The following RPS6KA2 variants were observed in gnomAD, a reference collection of about 807,000 sequenced individuals.
RPS6KA2 encodes ribosomal protein S6 kinase alpha-2.
A neutral mutation model predicts 91.8 loss-of-function variants in RPS6KA2; 42 were observed. That is an observed-to-expected ratio of 0.46 (90% CI 0.36 to 0.59). The LOEUF (loss-of-function observed/expected upper bound fraction) is 0.59, where lower values mean the gene tolerates loss of function less well. Ranked by LOEUF, RPS6KA2 falls within the 20% of genes least tolerant of loss-of-function variation. RPS6KA2 has a pLI of 0.00. For missense variants in RPS6KA2, 798 were observed against 978.5 expected, an observed-to-expected ratio of 0.82 and a Z score of 2.46; for synonymous variants, 414 against 393.6, an observed-to-expected ratio of 1.05 and a Z score of -0.61.
Position 166,557,076 on chromosome 6 carries a change from C to T in RPS6KA2, c.100-18292G>A, listed in dbSNP as rs952417692. On this transcript the variant is annotated intron_variant, in intron 1 of 20. Transcript: ENST00000265678. This position sits in a 1 kb window ranked among gnomAD's most constrained non-coding sequence, Gnocchi z 4.8. Reference sequence around the variant, plus strand: ...GGGGCTGACTCATCACATCCCGCCTCGCCAAACACGTTTTCTCTTCCTGTT... The same window carrying T: ...GGGGCTGACTCATCACATCCCGCCTTGCCAAACACGTTTTCTCTTCCTGTT... Among the ~76,000 whole-genome samples, 6 of 152,212 alleles carry T rather than the reference C, an allele frequency of 3.9e-5. No individual in the cohort carries two copies. Among genetic ancestry groups the T allele is most frequent in the Middle Eastern group, 3.2e-3 (1 of 316 alleles).
chr6:166,671,543 T>G (rs1788473132), intron 2 of RPS6KA2, among the ~76,000 whole-genome samples: 1 of 152,064 alleles, frequency 6.6e-6, no homozygotes, highest in Admixed American at 6.6e-5. Context: ...AGACACTCAG[T>G]TTCAACCACA....
intron 2 of RPS6KA2, among the ~76,000 whole-genome samples, chr6:166,817,352 G>A (rs1232330236): frequency 1.3e-5 from 2 of 151,932 alleles, no homozygotes; most frequent in Admixed American, 1.3e-4. Flanking sequence ...AAGGTTAGAT[G>A]GGGAACACAG....
intron 11 of RPS6KA2, among the ~76,000 whole-genome samples, chr6:166,467,627 A>T (rs891706427): frequency 1.3e-5 from 2 of 152,038 alleles, no homozygotes; most frequent in African/African-American, 4.8e-5. Flanking sequence ...CTTGGGGGGA[A>T]CCTGTTCCAT....
At chr6:166,683,275 T>C (rs1788893208) in intron 2 of RPS6KA2, among the ~76,000 whole-genome samples, 1 of 152,248 alleles carries the variant, frequency 6.6e-6, no homozygotes, top group African/African-American at 2.4e-5. Flanking sequence ...GCACAAAGTT[T>C]TAACTTTATC....
chr6:166,659,686 C>G (rs1251354008), intron 2 of RPS6KA2, among the ~76,000 whole-genome samples: 1 of 152,200 alleles, frequency 6.6e-6, no homozygotes. Flanking sequence ...ATTTTTAGTG[C>G]TGCCACTGGT....
intron 8 of RPS6KA2, among the ~76,000 whole-genome samples, chr6:166,491,475 C>T (rs1291051561): frequency 5.3e-5 from 8 of 152,118 alleles, no homozygotes; most frequent in African/African-American, 1.4e-4. Flanking sequence ...CACAGCTGAC[C>T]GCTTCTCACA....
intron 12 of RPS6KA2, among the ~76,000 whole-genome samples, chr6:166,454,289 G>A (rs145620856): frequency 2.6e-5 from 4 of 152,314 alleles, no homozygotes; most frequent in African/African-American, 9.6e-5. Flanking sequence ...CACGAGGTCA[G>A]GAGTTCACGA....
chr6:166,572,951 T>A (rs1029242218), intron 1 of RPS6KA2, among the ~76,000 whole-genome samples: 1 of 152,206 alleles, frequency 6.6e-6, no homozygotes, highest in African/African-American at 2.4e-5. Flanking sequence ...AGGGAGCCCC[T>A]GCGTGGTCAG....
chr6:166,696,771 C>A (rs1789371313), intron 2 of RPS6KA2, among the ~76,000 whole-genome samples: 1 of 152,308 alleles, frequency 6.6e-6, no homozygotes, highest in African/African-American at 2.4e-5. Flanking sequence ...AACTCCCCCA[C>A]AAGTGAGAGG....
intron 2 of RPS6KA2, among the ~76,000 whole-genome samples, chr6:166,641,200 A>G (rs1222698536): frequency 2.0e-5 from 3 of 152,180 alleles, no homozygotes; most frequent in Non-Finnish European, 4.4e-5. Context: ...TCACAGATAC[A>G]AACTGTGGGC....
At chr6:166,453,677 C>T (rs543772689) in intron 12 of RPS6KA2, among the ~76,000 whole-genome samples, 27 of 152,268 alleles carry the variant, frequency 1.8e-4, no homozygotes, top group African/African-American at 6.0e-4. Flanking sequence ...GAACTATATT[C>T]GATGCAGCAA....
At chr6:166,786,460 A>C (rs1343516697) in intron 2 of RPS6KA2, among the ~76,000 whole-genome samples, 1 of 152,006 alleles carries the variant, frequency 6.6e-6, no homozygotes, top group Non-Finnish European at 1.5e-5. Context: ...AGAAAAGGTA[A>C]CAAAATAATT....
chr6:166,782,719 G>A (rs1460901864), intron 2 of RPS6KA2, among the ~76,000 whole-genome samples: 4 of 152,272 alleles, frequency 2.6e-5, no homozygotes, highest in African/African-American at 4.8e-5. Context: ...GGAGAGAGCC[G>A]GGGCCCTACC....
chr6:166,491,244 A>G (rs1448600807), intron 8 of RPS6KA2, among the ~76,000 whole-genome samples: 1 of 152,206 alleles, frequency 6.6e-6, no homozygotes, highest in Non-Finnish European at 1.5e-5. Flanking sequence ...GACGAGGACA[A>G]TATGGCACAG....
At chr6:166,858,110 T>C (rs1170150803) in intron 2 of RPS6KA2, 2 of 818,200 alleles carry the variant, frequency 2.4e-6, no homozygotes, top group Non-Finnish European at 4.4e-6. Flanking sequence ...CTCACAGATA[T>C]TTAATTTCAA....
chr6:166,483,329 C>T (rs1026759602), intron 10 of RPS6KA2, among the ~76,000 whole-genome samples: 1 of 152,188 alleles, frequency 6.6e-6, no homozygotes, highest in East Asian at 1.9e-4. Flanking sequence ...TCCGGACAAC[C>T]CCCATGCCAC....
chr6:166,828,698 A>T (rs1236980835), intron 2 of RPS6KA2, among the ~76,000 whole-genome samples: 2 of 152,244 alleles, frequency 1.3e-5, no homozygotes, highest in African/African-American at 4.8e-5. Flanking sequence ...AAAGACCTAA[A>T]TGTAAGACCT....
At chr6:166,788,229 C>T (rs758612040) in intron 2 of RPS6KA2, among the ~76,000 whole-genome samples, 13 of 152,192 alleles carry the variant, frequency 8.5e-5, no homozygotes, top group Non-Finnish European at 1.6e-4. Context: ...TGCTTTTATG[C>T]TGTTGGTGGG....
In RPS6KA2 at chr6:166,420,203, G is replaced by C. The variant is rs78238481; in HGVS notation, c.1744-245C>G. ...AGACACATGACAGACAGGCTGAAAA[G>C]GAGGGCCTTAATTTTTAAGGCAGAA... On this transcript the variant is annotated intron_variant, in intron 17 of 20. Coordinates refer to ENST00000265678, the MANE Select transcript of RPS6KA2 (RefSeq NM_021135.6). 6.0e-4 allele frequency among the ~76,000 whole-genome samples: 92 copies of C among 152,322 alleles called. 1 individual carries two copies. In the East Asian group the frequency reaches 9.8e-3, roughly 16 times the overall value.
Sources: allele counts gnomAD v4.1 joint callset (sites outside exome capture counted in the v4.1 genomes callset), GRCh38; gene constraint gnomAD v4.1.1; non-coding constraint Gnocchi (gnomAD v3.1); transcripts MANE v1.5; gene names NCBI Gene and HGNC (gene_info 2026-07-23, HGNC 2026-07-21).